GABRB2: variants seen among roughly 807,000 people sequenced by gnomAD.
GABRB2 encodes gamma-aminobutyric acid type A receptor subunit beta2.
A neutral mutation model predicts 54.7 loss-of-function variants in GABRB2; 16 were observed. The observed-to-expected ratio is 0.29, with a 90% CI of 0.20 to 0.44. The LOEUF (loss-of-function observed/expected upper bound fraction) is 0.44. Ranked by LOEUF, GABRB2 falls within the 20% of genes least tolerant of loss-of-function variation. The pLI is 1.00. For missense variants in GABRB2, 355 were observed against 644.0 expected, an observed-to-expected ratio of 0.55 and a Z score of 4.86; for synonymous variants, 244 against 233.8, an observed-to-expected ratio of 1.04 and a Z score of -0.40.
chr5:161,474,865 G>A (rs1232649258), intron 3 of GABRB2, among the ~76,000 whole-genome samples: 1 of 151,842 alleles, frequency 6.6e-6, no homozygotes, highest in African/African-American at 2.4e-5. Context: ...TTTCGATCAG[G>A]AGTTAATTTT....
chr5:161,529,290 G>T (rs756154405), intron 3 of GABRB2, among the ~76,000 whole-genome samples: 31 of 151,890 alleles, frequency 2.0e-4, no homozygotes, highest in Non-Finnish European at 4.0e-4. Context: ...CTATTTGTTC[G>T]ATTTATGTGG....
chr5:161,300,498 C>A (rs1757505566), intron 9 of GABRB2, among the ~76,000 whole-genome samples: 1 of 152,116 alleles, frequency 6.6e-6, no homozygotes, highest in Admixed American at 6.6e-5. Context: ...AACATTTTAA[C>A]AATTCTGGGT....
At chr5:161,523,303 T>A (rs1760174675) in intron 3 of GABRB2, among the ~76,000 whole-genome samples, 1 of 151,508 alleles carries the variant, frequency 6.6e-6, no homozygotes, top group Non-Finnish European at 1.5e-5. Context: ...TAAGAAAAAA[T>A]TCCTGCATTT....
chr5:161,545,457 G>T (rs529074689), intron 2 of GABRB2, among the ~76,000 whole-genome samples, 163 bp from the exon 3 acceptor site: 62 of 141,522 alleles, frequency 4.4e-4, no homozygotes, highest in African/African-American at 1.6e-3. Context: ...AAAAAAAAAG[G>T]TAGCAGGCAC....
intron 4 of GABRB2, among the ~76,000 whole-genome samples, chr5:161,425,962 C>T (rs1200281600): frequency 1.3e-5 from 2 of 152,090 alleles, no homozygotes. Flanking sequence ...AAGGATCTCT[C>T]ACATGTTGAC....
rs549890498 is a variant in GABRB2 at position 161,404,946 on chromosome 5, C to T, written c.541+6029G>A. ...GCTCAGTGAAATAATTCCTTTATTC[C>T]CAGCAAATGGTTTTACAGAATACGG... On this transcript the variant is annotated intron_variant, in intron 5 of 9. Coordinates refer to ENST00000393959, the MANE Select transcript of GABRB2 (RefSeq NM_001371727.1). Among the ~76,000 whole-genome samples the T allele has an allele frequency of 1.4e-4, 21 of 152,158 alleles. No individual in the cohort carries two copies. In the East Asian group the frequency reaches 4.1e-3, roughly 29 times the overall value.
At chr5:161,493,535 G>A (rs1231187461) in intron 3 of GABRB2, among the ~76,000 whole-genome samples, 7 of 151,686 alleles carry the variant, frequency 4.6e-5, no homozygotes, top group African/African-American at 1.7e-4. Flanking sequence ...TCTTCGAGAT[G>A]AGAGATTCTG....
At chr5:161,545,012 C>G (rs1337422130) in intron 3 of GABRB2, among the ~76,000 whole-genome samples, 4 of 151,966 alleles carry the variant, frequency 2.6e-5, no homozygotes, top group African/African-American at 9.7e-5. Flanking sequence ...GCATTTTACT[C>G]CAAGTATCTG....
intron 3 of GABRB2, among the ~76,000 whole-genome samples, chr5:161,532,212 T>A (rs1045198102): frequency 6.6e-6 from 1 of 152,128 alleles, no homozygotes; most frequent in Admixed American, 6.6e-5. Context: ...TAAGCATTCA[T>A]ATGTATGTAT....
At chr5:161,333,361 C>G (rs947217434) in intron 7 of GABRB2, among the ~76,000 whole-genome samples, 1 of 152,094 alleles carries the variant, frequency 6.6e-6, no homozygotes, top group Non-Finnish European at 1.5e-5. Flanking sequence ...ACTAAGAAAA[C>G]AAAAGTTATA....
intron 9 of GABRB2, among the ~76,000 whole-genome samples, chr5:161,321,109 C>T (rs555092925): frequency 6.6e-6 from 1 of 151,968 alleles, no homozygotes; most frequent in Admixed American, 6.6e-5. Flanking sequence ...AGCAGATGTC[C>T]CAAGTGACTC....
At chr5:161,404,835 C>G (rs1242173222) in intron 5 of GABRB2, among the ~76,000 whole-genome samples, 1 of 152,058 alleles carries the variant, frequency 6.6e-6, no homozygotes, top group Non-Finnish European at 1.5e-5. Flanking sequence ...GCCTAGTTGT[C>G]CTTTAACTCA....
rs960953411 is a variant in GABRB2 at position 161,475,992 on chromosome 5, A to T, written c.238-16148T>A. ...AAGACATCCTAATTGGAAAGGAAAA[A>T]GTAAAATAATCTCTGTTTGCAGATA... On this transcript the variant is annotated intron_variant, in intron 3 of 9. Transcript: ENST00000393959. Among the ~76,000 whole-genome samples, 3 of 152,072 alleles carry T rather than the reference A, an allele frequency of 2.0e-5. 1 individual carries two copies. The highest frequency in any genetic ancestry group is 4.1e-4 in the South Asian group (2 of 4,830).
At chr5:161,532,237 A>T (rs1760484231) in intron 3 of GABRB2, among the ~76,000 whole-genome samples, 1 of 152,078 alleles carries the variant, frequency 6.6e-6, no homozygotes, top group African/African-American at 2.4e-5. Context: ...GTGTATATCT[A>T]TGTATACGTG....
intron 9 of GABRB2, among the ~76,000 whole-genome samples, chr5:161,300,817 C>T (rs778724169): frequency 6.6e-6 from 1 of 152,202 alleles, no homozygotes; most frequent in Non-Finnish European, 1.5e-5. Context: ...TTGGACAGAA[C>T]GACTTCAAAT....
At chr5:161,320,305 T>G (rs973959164) in intron 9 of GABRB2, among the ~76,000 whole-genome samples, 1 of 151,942 alleles carries the variant, frequency 6.6e-6, no homozygotes, top group Non-Finnish European at 1.5e-5. Flanking sequence ...GGATTAATTA[T>G]GTAGTATTTA....
At chr5:161,411,290 T>C (rs1218859881) in intron 4 of GABRB2, among the ~76,000 whole-genome samples, 3 of 152,180 alleles carry the variant, frequency 2.0e-5, no homozygotes, top group African/African-American at 7.2e-5. Context: ...TGTATCAAAA[T>C]AATCTGAGAG....
chr5:161,321,329 A>G (rs1025272917), intron 9 of GABRB2, among the ~76,000 whole-genome samples: 2 of 152,098 alleles, frequency 1.3e-5, no homozygotes. Flanking sequence ...TTACATCATA[A>G]GATTATTCTG....
upstream of GABRB2, among the ~76,000 whole-genome samples, chr5:161,547,443 C>T (rs997061481): frequency 6.6e-6 from 1 of 152,108 alleles, no homozygotes; most frequent in Non-Finnish European, 1.5e-5. Context: ...CTTTTCTTCA[C>T]TACTCACGAG....
Sources: allele counts gnomAD v4.1 joint callset (sites outside exome capture counted in the v4.1 genomes callset), GRCh38; gene constraint gnomAD v4.1.1; transcripts MANE v1.5; gene names NCBI Gene and HGNC (gene_info 2026-07-23, HGNC 2026-07-21).